Variants in RAB27B observed in about 807,000 individuals in gnomAD.
RAB27B encodes the protein ras-related protein Rab-27B.
A neutral mutation model predicts 24.6 loss-of-function variants in RAB27B; 15 were observed. That is an observed-to-expected ratio of 0.61 (90% CI 0.41 to 0.94). The LOEUF is 0.94. Among genes scored for constraint, RAB27B ranks in the 40% least tolerant of loss-of-function variants. The pLI, the probability that RAB27B is intolerant of heterozygous loss-of-function variation, is 0.00. For missense variants in RAB27B, 261 were observed against 266.8 expected, an observed-to-expected ratio of 0.98 and a Z score of 0.15; for synonymous variants, 105 against 92.5, an observed-to-expected ratio of 1.14 and a Z score of -0.78.
At chr18:54,875,706 AC>A in intron 1 of RAB27B, among the ~76,000 whole-genome samples, 1 of 152,346 alleles carries the variant, frequency 6.6e-6, no homozygotes, top group African/African-American at 2.4e-5. Flanking sequence ...AAAGAAACAT[AC>A]ATTCATAATA....
intron 2 of RAB27B, among the ~76,000 whole-genome samples, chr18:54,788,677 C>A (rs1909163101): frequency 6.6e-6 from 1 of 152,174 alleles, no homozygotes; most frequent in Non-Finnish European, 1.5e-5. Context: ...TTGGTTCTCT[C>A]CCTCAGCTTT....
chr18:54,869,118 T>A (rs1290589333), intron 1 of RAB27B, among the ~76,000 whole-genome samples: 1 of 152,230 alleles, frequency 6.6e-6, no homozygotes, highest in Non-Finnish European at 1.5e-5. Context: ...TTTCTATCCA[T>A]GGATATATGT....
At chr18:54,729,428 C>T (rs1357910411) in intron 2 of RAB27B, among the ~76,000 whole-genome samples, 1 of 152,148 alleles carries the variant, frequency 6.6e-6, no homozygotes, top group Non-Finnish European at 1.5e-5. Context: ...AAGGAGCCTA[C>T]ATCCTCAATA....
intron 1 of RAB27B, among the ~76,000 whole-genome samples, chr18:54,860,403 CA>C (rs930911648): frequency 5.9e-4 from 90 of 152,248 alleles, no homozygotes; most frequent in African/African-American, 2.0e-3. Context: ...CTCCTGTAAC[CA>C]ATGACACTCG....
chr18:54,726,513 A>G (rs7229280), intron 2 of RAB27B, among the ~76,000 whole-genome samples: 27,117 of 151,402 alleles, frequency 0.18, 3,174 homozygotes, highest in African/African-American at 0.24. Context: ...GTTCGCTAAC[A>G]TTCAGCAGAG....
intron 2 of RAB27B, among the ~76,000 whole-genome samples, chr18:54,805,466 C>A (rs1463586078): frequency 6.6e-6 from 1 of 152,138 alleles, no homozygotes; most frequent in East Asian, 1.9e-4. Flanking sequence ...TGTCAGGGTA[C>A]TTTCTAGGTA....
At chr18:54,755,571 C>T (rs1475296253) in intron 2 of RAB27B, among the ~76,000 whole-genome samples, 1 of 152,054 alleles carries the variant, frequency 6.6e-6, no homozygotes, top group Non-Finnish European at 1.5e-5. Flanking sequence ...AGGTGATTTC[C>T]CCTTCCAGGC....
rs145366221 is a variant in RAB27B, at chr18:54,895,257, A to G, written c.*5844A>G. The G allele has an allele frequency of 1.3e-5, 2 of 152,190 alleles. No individual in the cohort carries two copies. The highest frequency in any genetic ancestry group is 3.9e-4 in the East Asian group (2 of 5,172). 9.4% of individuals were successfully genotyped at this position (152,190 alleles called of 1,614,324 possible). On this transcript the variant is annotated 3_prime_UTR_variant, in exon 6 of 6. Transcript: ENST00000262094. The stretch of plus-strand genomic sequence containing the variant: ...TTTGATTATTTTGTCTGTCTCCTAT[A>G]TAGATCTGTTTTGTCTAGTGCTATG...
At chr18:54,827,963 A>C (rs1910529351), upstream of RAB27B, among the ~76,000 whole-genome samples, 1 of 152,182 alleles carries the variant, frequency 6.6e-6, no homozygotes, top group Non-Finnish European at 1.5e-5. Context: ...TGATCTCTGA[A>C]GTGACTTTAG....
In RAB27B at chr18:54,879,429, C is replaced by T. The variant is rs1199734462; in HGVS notation, c.214C>T (p.Leu72Phe). ...GAAAGCATTTAAAGTGCATCTTCAGCTTTGGGACACTGCGGGACAAGAGCG... is the reference window on the plus strand; with the variant it reads ...GAAAGCATTTAAAGTGCATCTTCAGTTTTGGGACACTGCGGGACAAGAGCG... ...SGKAFKVHLQLWDTAGQERFR... is the reference protein window; with the variant it reads ...SGKAFKVHLQFWDTAGQERFR... Residue 72 changes from leucine (L) to phenylalanine (F), a missense_variant, in exon 3 of 6, where the codon CTT becomes TTT. Physicochemically the swap from Leu to Phe is conservative, Grantham distance 22 (BLOSUM62 0). Coordinates refer to ENST00000262094, the MANE Select transcript of RAB27B (RefSeq NM_004163.4). The T allele has an allele frequency of 1.2e-6, 2 of 1,612,710 alleles. No individual in the cohort carries two copies. Among genetic ancestry groups the T allele is most frequent in the Non-Finnish European group, 1.7e-6 (2 of 1,178,806 alleles).
chr18:54,735,964 G>C (rs1299963753), intron 2 of RAB27B, among the ~76,000 whole-genome samples: 1 of 152,084 alleles, frequency 6.6e-6, no homozygotes, highest in Non-Finnish European at 1.5e-5. Flanking sequence ...TAATATTTTT[G>C]GTAGTGTCAC....
chr18:54,856,159 T>C (rs950730930), intron 1 of RAB27B, among the ~76,000 whole-genome samples: 1 of 152,240 alleles, frequency 6.6e-6, no homozygotes, highest in African/African-American at 2.4e-5. Flanking sequence ...GAGCCTTCTT[T>C]AGATTCAGGG....
At chr18:54,733,526 T>A (rs1223511996) in intron 2 of RAB27B, among the ~76,000 whole-genome samples, 1 of 152,166 alleles carries the variant, frequency 6.6e-6, no homozygotes, top group Non-Finnish European at 1.5e-5. Flanking sequence ...AGAAGGAACT[T>A]GAGTTAGACT....
intron 2 of RAB27B, among the ~76,000 whole-genome samples, chr18:54,774,325 C>G (rs560378889): frequency 1.2e-4 from 19 of 152,320 alleles, no homozygotes; most frequent in African/African-American, 4.6e-4. Flanking sequence ...GTCACTGAAC[C>G]AAGCACTTTT....
At chr18:54,729,457 G>T (rs902856584) in intron 2 of RAB27B, among the ~76,000 whole-genome samples, 1 of 152,142 alleles carries the variant, frequency 6.6e-6, no homozygotes, top group Non-Finnish European at 1.5e-5. Flanking sequence ...TTAGATTGTG[G>T]AACACCAATG....
chr18:54,774,273 C>CCAAAAATATTAGGTAA, intron 2 of RAB27B, among the ~76,000 whole-genome samples: 1 of 152,202 alleles, frequency 6.6e-6, no homozygotes, highest in African/African-American at 2.4e-5. Context: ...AAAATATTAG[C>CCAAAAATATTAGGTAA]ATGTTAATAG....
chr18:54,826,687 G>A (rs1243305845), upstream of RAB27B, among the ~76,000 whole-genome samples: 1 of 152,182 alleles, frequency 6.6e-6, no homozygotes, highest in Non-Finnish European at 1.5e-5. Context: ...AAGTTGCAGT[G>A]AGGTAGTACA....
chr18:54,847,694 G>GA (rs995141543), intron 1 of RAB27B, among the ~76,000 whole-genome samples: 6 of 152,014 alleles, frequency 3.9e-5, no homozygotes, highest in South Asian at 2.1e-4. Context: ...CAAACGTTCA[G>GA]AAAAAAACAG....
intron 4 of RAB27B, 57 bp from the exon 5 acceptor site, chr18:54,887,938 C>A: frequency 6.4e-7 from 1 of 1,573,146 alleles, no homozygotes; most frequent in Non-Finnish European, 8.7e-7. Context: ...TAAGAGCAGT[C>A]ATTTGACATC....
Sources: allele counts gnomAD v4.1 joint callset (sites outside exome capture counted in the v4.1 genomes callset), GRCh38; gene constraint gnomAD v4.1.1; transcripts MANE v1.5; gene names NCBI Gene and HGNC (gene_info 2026-07-23, HGNC 2026-07-21).